The following ARV1 variants were observed in gnomAD, a reference collection of about 807,000 sequenced individuals.
ARV1 encodes the protein ARV1 fatty acid homeostasis modulator.
ARV1 carries 26 observed loss-of-function variants against 31.1 expected under a neutral mutation model. The ratio of observed to expected loss-of-function variants is 0.84; its 90% CI spans 0.61 to 1.16. The LOEUF is 1.16. Ranked by LOEUF, ARV1 falls within the 50% of genes most tolerant of loss-of-function variation. The pLI is 0.00. For missense variants in ARV1, 281 were observed against 324.9 expected (o/e 0.86, Z 1.04); for synonymous variants, 117 against 123.2 (o/e 0.95, Z 0.34).
At chr1:230,986,148 TC>T (rs1679059906) in intron 1 of ARV1, among the ~76,000 whole-genome samples, 1 of 152,026 alleles carries the variant, frequency 6.6e-6, no homozygotes, top group Non-Finnish European at 1.5e-5. Context: ...GGTCTCGATT[TC>T]CTGACCTCGT....
intron 1 of ARV1, among the ~76,000 whole-genome samples, chr1:230,983,554 A>G (rs1558241043): frequency 6.6e-6 from 1 of 152,156 alleles, no homozygotes; most frequent in Non-Finnish European, 1.5e-5. Flanking sequence ...CTTCAGCACT[A>G]CAGCATTCGG....
rs867084877 is a variant in ARV1 at position 230,979,964 on chromosome 1, G to T, written c.174+685G>T. ...TCTACAAAGTTGGAGGTTCTTTGGG[G>T]GTATTAATTAGCAAAGAACCTGTCA... On this transcript the variant is annotated intron_variant, in intron 1 of 5. Coordinates refer to ENST00000310256, the MANE Select transcript of ARV1 (RefSeq NM_022786.3). Among the ~76,000 whole-genome samples, 9 of 152,128 alleles carry T rather than the reference G, an allele frequency of 5.9e-5. 1 individual carries two copies. The South Asian group carries it at 1.9e-3, about 32-fold the overall frequency.
intron 3 of ARV1, among the ~76,000 whole-genome samples, chr1:230,993,982 C>T (rs1486039141): frequency 6.6e-6 from 1 of 152,212 alleles, no homozygotes; most frequent in Non-Finnish European, 1.5e-5. Flanking sequence ...TCACAATCAT[C>T]CTCTGAGGTA....
intron 1 of ARV1, among the ~76,000 whole-genome samples, chr1:230,983,369 C>T (rs12124024): frequency 0.094 from 14,062 of 149,482 alleles, 675 homozygotes; most frequent in South Asian, 0.17. Flanking sequence ...GCTGAGATTG[C>T]GCCACTGCAC....
intron 1 of ARV1, among the ~76,000 whole-genome samples, chr1:230,987,289 C>G (rs1175632273): frequency 6.6e-6 from 1 of 152,170 alleles, no homozygotes; most frequent in East Asian, 1.9e-4. Context: ...ATGCTTATTT[C>G]TGGATTTTTC....
intron 1 of ARV1, among the ~76,000 whole-genome samples, chr1:230,980,884 T>C (rs1283938185): frequency 6.6e-6 from 1 of 152,174 alleles, no homozygotes; most frequent in Non-Finnish European, 1.5e-5. Context: ...TTGTACTGTC[T>C]ATTTCCTTTC....
At chr1:230,986,666 C>CTTTTTTTTTTTTTTTTTTTTTT (rs1558242688) in intron 1 of ARV1, among the ~76,000 whole-genome samples, 3 of 79,690 alleles carry the variant, frequency 3.8e-5, no homozygotes, top group Admixed American at 1.7e-4. Context: ...AATACTTTTC[C>CTTTTTTTTTTTTTTTTTTTTTT]TATTTTTTTT....
chr1:230,995,592 A>C (rs957810150), intron 3 of ARV1, among the ~76,000 whole-genome samples, 168 bp from the exon 4 acceptor site: 4 of 149,858 alleles, frequency 2.7e-5, no homozygotes, highest in South Asian at 2.1e-4. Flanking sequence ...TAAAAAAAAA[A>C]AACAACACAC....
rs760593037 is a variant in ARV1 at position 230,990,178 on chromosome 1, T to A, written c.363T>A (p.Asp121Glu). 3 of 1,613,300 alleles carry A rather than the reference T, an allele frequency of 1.9e-6. No individual in the cohort carries two copies. In the Admixed American group the frequency reaches 5.0e-5, roughly 27 times the overall value. Residue 121 changes from aspartate to glutamate, a missense_variant, in exon 3 of 6, where the codon GAT (aspartate) becomes GAA (glutamate). Transcript: ENST00000310256. ...ACCTGAGGTGGTGGCAGCTTCAAGATTCCAACCAGAATACTGCCCCTGATG... is the reference window on the plus strand; with the variant it reads ...ACCTGAGGTGGTGGCAGCTTCAAGAATCCAACCAGAATACTGCCCCTGATG... ...EAYLRWWQLQ[D>E]SNQNTAPDDL...
At chr1:230,988,286 T>C (rs745997701) in intron 1 of ARV1, 34 bp from the exon 2 acceptor site, 1 of 1,563,322 alleles carries the variant, frequency 6.4e-7, no homozygotes, top group Non-Finnish European at 8.8e-7. Context: ...AAGTATACAT[T>C]TGCTTGTTCT....
At position 230,979,127 on chromosome 1, in the gene ARV1, G is replaced by A; in HGVS notation, c.22G>A (p.Gly8Ser). Residue 8 changes from glycine (G) to serine (S), a missense_variant, in exon 1 of 6, where the codon GGC becomes AGC. By Grantham distance (56) the Gly-to-Ser change is moderately conservative. Transcript: ENST00000310256. MGNGGRS[G>S]LQQGKGNVDG... The stretch of plus-strand genomic sequence containing the variant: ...GGAAATGGGCAACGGCGGGCGGAGC[G>A]GCCTGCAGCAGGGGAAGGGGAACGT... 1 of 1,604,432 alleles carries A rather than the reference G, an allele frequency of 6.2e-7. No individual in the cohort carries two copies. The highest frequency in any genetic ancestry group is 8.5e-7 in the Non-Finnish European group (1 of 1,176,830).
chr1:230,980,933 C>T (rs948854715), intron 1 of ARV1, among the ~76,000 whole-genome samples: 10 of 152,154 alleles, frequency 6.6e-5, no homozygotes, highest in Non-Finnish European at 7.3e-5. Flanking sequence ...CATTCCCACC[C>T]GCATTTCATT....
rs746189754 is a variant in ARV1 at position 230,990,105 on chromosome 1, A to G, written c.295-5A>G. 28 of 1,601,452 alleles carry G rather than the reference A, an allele frequency of 1.7e-5. No individual in the cohort carries two copies. The highest frequency in any genetic ancestry group is 2.3e-5 in the Non-Finnish European group (27 of 1,176,236). ...TAATTGAATGGCAATGTCTTTGACT[A>G]TCAGATCCATGGAAAACTCTGCATA... On this transcript the variant is annotated splice_region_variant and splice_polypyrimidine_tract_variant and intron_variant, in intron 2 of 5. Transcript: ENST00000310256.
chr1:230,997,423 T>C (rs546031557), intron 5 of ARV1, among the ~76,000 whole-genome samples, 156 bp downstream of exon 5: 1 of 152,304 alleles, frequency 6.6e-6, no homozygotes, highest in South Asian at 2.1e-4. Flanking sequence ...CTTTACTACA[T>C]GGCCCCCAGG....
In ARV1 at chr1:230,988,340, A is replaced by G; in HGVS notation, c.195A>G (p.Val65=). Residue 65 remains valine (V), a synonymous_variant, in exon 2 of 6, where the codon GTA becomes GTG. Transcript: ENST00000310256. ...ITICKSCQKP[V]DKYIEYDPVI... The stretch of plus-strand genomic sequence containing the variant: ...TTCAGAAATCCTGCCAGAAACCTGT[A>G]GACAAATATATCGAGTATGATCCTG... The G allele has an allele frequency of 6.3e-7, 1 of 1,594,498 alleles. No individual in the cohort carries two copies. The highest frequency in any genetic ancestry group is 1.3e-5 in the African/African-American group (1 of 74,452).
At chr1:230,990,373 G>A in intron 3 of ARV1, 110 bp downstream of exon 3, 3 of 1,393,590 alleles carry the variant, frequency 2.2e-6, no homozygotes, top group Non-Finnish European at 2.9e-6. Context: ...TAGTTAATAT[G>A]GGACTTAAGA....
At chr1:230,983,535 T>C (rs1360029612) in intron 1 of ARV1, among the ~76,000 whole-genome samples, 7 of 152,188 alleles carry the variant, frequency 4.6e-5, no homozygotes, top group Non-Finnish European at 1.0e-4. Flanking sequence ...TCTCCTAAGT[T>C]TCCATTTCCT....
chr1:230,996,132 T>G, intron 4 of ARV1, 148 bp downstream of exon 4: 1 of 640,708 alleles, frequency 1.6e-6, no homozygotes, highest in African/African-American at 1.8e-5. Context: ...TATAGCACCT[T>G]ATACATAGCA....
intron 5 of ARV1, among the ~76,000 whole-genome samples, chr1:230,998,851 C>T (rs1338587408): frequency 6.6e-6 from 1 of 152,146 alleles, no homozygotes; most frequent in Non-Finnish European, 1.5e-5. Context: ...GTTAAGGCTG[C>T]AGTGAGCTGT....
Sources: allele counts gnomAD v4.1 joint callset (sites outside exome capture counted in the v4.1 genomes callset), GRCh38; gene constraint gnomAD v4.1.1; transcripts MANE v1.5; gene names NCBI Gene and HGNC (gene_info 2026-07-23, HGNC 2026-07-21).